ATM: variants seen among roughly 807,000 people sequenced by gnomAD.
The protein encoded by ATM is serine-protein kinase ATM.
Under a neutral mutation model 387.0 loss-of-function variants are expected in ATM, and 308 were observed. That is an observed-to-expected ratio of 0.80 (90% CI 0.73 to 0.87). ATM has a LOEUF of 0.87. Ranked by LOEUF, ATM falls within the 40% of genes least tolerant of loss-of-function variation. The pLI is 0.00. For missense variants in ATM, 3,312 were observed against 3,560.9 expected (o/e 0.93, Z 1.78); for synonymous variants, 1,156 against 1,187.3 (o/e 0.97, Z 0.54).
At chr11:108,266,703 C>G (rs1376516725) in intron 16 of ATM, among the ~76,000 whole-genome samples, 1 of 151,796 alleles carries the variant, frequency 6.6e-6, no homozygotes, top group Non-Finnish European at 1.5e-5. Flanking sequence ...GGTTATATAT[C>G]CATTTTACTA....
intron 26 of ATM, among the ~76,000 whole-genome samples, chr11:108,286,267 T>G (rs966590745): frequency 2.9e-5 from 4 of 139,972 alleles, no homozygotes; most frequent in African/African-American, 1.1e-4. Context: ...GAGCCAAGAT[T>G]GTACCACTGC....
intron 61 of ATM, among the ~76,000 whole-genome samples, chr11:108,357,626 G>T (rs2090160084): frequency 6.6e-6 from 1 of 152,082 alleles, no homozygotes; most frequent in Non-Finnish European, 1.5e-5. Flanking sequence ...TCCTCAAGTG[G>T]GTTCCTGACC....
rs772274328 is a variant in ATM at position 108,271,401 on chromosome 11, A to G, written c.3072A>G (p.Ala1024=). Residue 1024 remains alanine (A), a synonymous_variant, in exon 20 of 63, where the codon GCA becomes GCG. Transcript: ENST00000675843. The part of the protein sequence containing the change: ...AQGQFLTVIG[A]FWHLTKERKY... ...GACAGTTTCTTACAGTAATTGGAGC[A>G]TTTTGGTAGGTACAGTCTATTTTGT... The G allele has an allele frequency of 6.2e-7, 1 of 1,614,074 alleles. No individual in the cohort carries two copies. Among genetic ancestry groups the G allele is most frequent in the East Asian group, 2.2e-5 (1 of 44,838 alleles).
At chr11:108,225,047 A>G (rs2078669370) in intron 1 of ATM, 1 of 152,216 alleles carries the variant, frequency 6.6e-6, no homozygotes. Flanking sequence ...AAGTCACACC[A>G]TGGGGAAAAA....
intron 33 of ATM, 39 bp downstream of exon 33, chr11:108,297,421 C>T (rs1237058289): frequency 6.8e-7 from 1 of 1,463,476 alleles, no homozygotes. Flanking sequence ...TTTCAGTCAA[C>T]TGCGGATCAC....
intron 38 of ATM, chr11:108,309,187 GAAC>G: frequency 1.8e-6 from 1 of 563,076 alleles, no homozygotes; most frequent in Non-Finnish European, 3.1e-6. Flanking sequence ...CAAAAACAAA[GAAC>G]AACAATAAAA....
chr11:108,251,029 G>T lies in ATM; in HGVS notation c.1564G>T (p.Glu522Ter), dbSNP rs2080118610. The change falls in exon 10 of 63, where the codon GAA becomes TAA. Residue 522 changes from glutamate to a stop codon, truncating the protein, a stop_gained. Coordinates refer to ENST00000675843, the MANE Select transcript of ATM (RefSeq NM_000051.4). LOFTEE classifies it high-confidence loss of function. ...IQGSLVEVDR[E>*]FWKLFTGSAC... is the part of the protein sequence containing the mutation. ...GGGTAGTTTAGTTGAGGTTGACAGA[G>T]AATTCTGGAAGTTATTTACTGGGTC... 6.2e-7 allele frequency: 1 copy of T among 1,614,122 alleles called. No individual in the cohort carries two copies. Among genetic ancestry groups the T allele is most frequent in the Non-Finnish European group, 8.5e-7 (1 of 1,180,028 alleles).
chr11:108,248,852 C>G lies in ATM; in HGVS notation c.1066-81C>G, dbSNP rs2079980249. The G allele has an allele frequency of 4.0e-6, 5 of 1,242,598 alleles. No individual in the cohort carries two copies. The East Asian group carries it at 1.3e-4, about 32-fold the overall frequency. The allele number at this position is 1,242,598 out of a possible 1,614,324, so 77.0% of individuals were successfully genotyped here. Reference sequence around the variant, plus strand: ...GTGGTGATACGAGATCGTGCTGTTCCACTCCAACCTGGGCAACAACAGCGA... The same window carrying G: ...GTGGTGATACGAGATCGTGCTGTTCGACTCCAACCTGGGCAACAACAGCGA... On this transcript the variant is annotated intron_variant, in intron 8 of 62. Transcript: ENST00000675843.
chr11:108,267,132 A>G (rs201289588), intron 16 of ATM, 39 bp from the exon 17 acceptor site: 3 of 1,607,210 alleles, frequency 1.9e-6, no homozygotes, highest in African/African-American at 1.3e-5. Context: ...TGCTCCTGCA[A>G]GAAGCCATCT....
At chr11:108,360,089 C>CA (rs2090526619) in intron 61 of ATM, among the ~76,000 whole-genome samples, 1 of 151,526 alleles carries the variant, frequency 6.6e-6, no homozygotes, top group Non-Finnish European at 1.5e-5. Context: ...ATCAAATAGA[C>CA]ACAATAAAAA....
intron 27 of ATM, among the ~76,000 whole-genome samples, chr11:108,288,503 T>TC (rs59777505): frequency 0.055 from 7,975 of 143,744 alleles, 694 homozygotes; most frequent in African/African-American, 0.2. Context: ...ATGCTTTACT[T>TC]TTTTTTTTTT....
At chr11:108,293,894 A>AT (rs1555101015) in intron 31 of ATM, among the ~76,000 whole-genome samples, 3,807 of 83,362 alleles carry the variant, frequency 0.046, 59 homozygotes, top group South Asian at 0.076. Flanking sequence ...AAAAAAAAAA[A>AT]ATATATATAT....
chr11:108,289,849 T>C (rs749355961), intron 29 of ATM, 48 bp downstream of exon 29: 5 of 1,553,316 alleles, frequency 3.2e-6, no homozygotes, highest in Non-Finnish European at 4.4e-6. Flanking sequence ...TCTATCCTGT[T>C]CTTCCTGTTT....
intron 34 of ATM, among the ~76,000 whole-genome samples, chr11:108,301,331 T>A (rs2083421433): frequency 6.6e-6 from 1 of 152,212 alleles, no homozygotes; most frequent in Non-Finnish European, 1.5e-5. Flanking sequence ...GACAAAAGGA[T>A]TCCCAGAATT....
intron 59 of ATM, among the ~76,000 whole-genome samples, chr11:108,347,843 AC>A (rs1706173036): frequency 6.6e-6 from 1 of 152,190 alleles, no homozygotes; most frequent in Non-Finnish European, 1.5e-5. Context: ...TAAATGAAGG[AC>A]ATGATAATAT....
intron 31 of ATM, among the ~76,000 whole-genome samples, chr11:108,293,904 T>A (rs1236790953): frequency 7.9e-5 from 11 of 139,702 alleles, no homozygotes; most frequent in South Asian, 2.4e-4. Flanking sequence ...AATATATATA[T>A]ATATATATAT....
At chr11:108,227,416 G>A (rs973130115) in intron 1 of ATM, 179 bp from the exon 2 acceptor site, 23 of 511,180 alleles carry the variant, frequency 4.5e-5, no homozygotes, top group Admixed American at 2.0e-4. Flanking sequence ...TTTTAAATAC[G>A]GAAATGTTAA....
chr11:108,332,947 C>A (rs2136578664), intron 53 of ATM, 47 bp downstream of exon 53: 10 of 1,584,414 alleles, frequency 6.3e-6, no homozygotes, highest in Non-Finnish European at 7.7e-6. Context: ...CTGTGTTACT[C>A]TCTGTAGAGA....
rs2135126166 is a variant in ATM at position 108,235,824 on chromosome 11, A to G, written c.486A>G (p.Gln162=). Residue 162 remains glutamine (Q), a synonymous_variant, in exon 5 of 63, where the codon CAA becomes CAG. Coordinates refer to ENST00000675843, the MANE Select transcript of ATM (RefSeq NM_000051.4). ...AATACTGGTGTGAAATATCTCAGCA[A>G]CAGTGGTTAGGTATGTTTTGAAGGT... The part of the protein sequence containing the change: ...VRKYWCEISQ[Q]QWLELFSVYF... 2 of 1,613,886 alleles carry G rather than the reference A, an allele frequency of 1.2e-6. No individual in the cohort carries two copies. The highest frequency in any genetic ancestry group is 1.7e-6 in the Non-Finnish European group (2 of 1,179,866).
Sources: gnomAD v4.1 joint callset for allele counts (sites outside exome capture counted in the v4.1 genomes callset) on GRCh38, gnomAD v4.1.1 for gene constraint, MANE v1.5 for transcripts, NCBI Gene and HGNC (gene_info 2026-07-23, HGNC 2026-07-21) for gene names.